LGALS2: variants seen among roughly 807,000 people sequenced by gnomAD.
The protein encoded by LGALS2 is galectin 2, also known as galectin-2.
A neutral mutation model predicts 10.1 loss-of-function variants in LGALS2; 7 were observed. The observed-to-expected ratio is 0.70, with a 90% CI of 0.40 to 1.31. The LOEUF is 1.31. Among genes scored for constraint, LGALS2 ranks in the 50% most tolerant of loss-of-function variants. LGALS2 has a pLI of 0.01. For synonymous variants in LGALS2, 86 were observed against 64.2 expected, an observed-to-expected ratio of 1.34 and a Z score of -1.63; for missense variants, 167 against 163.6, an observed-to-expected ratio of 1.02 and a Z score of -0.11.
intron 2 of LGALS2, among the ~76,000 whole-genome samples, chr22:37,571,547 T>C (rs542369926): frequency 6.6e-6 from 1 of 152,274 alleles, no homozygotes; most frequent in African/African-American, 2.4e-5. Context: ...GGGCGTTCCC[T>C]AGAGGCACCT....
intron 3 of LGALS2, 23 bp downstream of exon 3, chr22:37,570,553 G>A (rs371641943): frequency 6.2e-6 from 10 of 1,613,900 alleles, no homozygotes; most frequent in Middle Eastern, 1.6e-4. Flanking sequence ...TCACCCCAGT[G>A]CCCTTTCCCC....
Position 37,570,647 on chromosome 22 carries a change from A to G in LGALS2, c.178T>C (p.Leu60=), listed in dbSNP as rs201214648. The change falls in exon 3 of 4, where the codon TTG becomes CTG. Residue 60 remains leucine (L), a synonymous_variant. Transcript: ENST00000215886. ...FSESTIVCNS[L]DGSNWGQEQR... is the part of the protein sequence containing the mutation. ...TCTTGCCCCCAGTTGCTGCCGTCCA[A>G]TGAGTTGCAGACAATGGTGGATTCG... 341 of 1,614,242 alleles carry G rather than the reference A, an allele frequency of 2.1e-4. 1 individual carries two copies. Among genetic ancestry groups the G allele is most frequent in the African/African-American group, 1.1e-3 (81 of 75,062 alleles).
chr22:37,576,317 T>C (rs931116783), intron 1 of LGALS2, among the ~76,000 whole-genome samples: 1 of 151,506 alleles, frequency 6.6e-6, no homozygotes, highest in Admixed American at 6.6e-5. Context: ...CCGGGCGTGG[T>C]GGCAGGCGCC....
Position 37,571,870 on chromosome 22 carries a change from C to A in LGALS2, c.68G>T (p.Ser23Ile). The change falls in exon 2 of 4, where the codon AGC becomes ATC. Residue 23 changes from serine to isoleucine, a missense_variant. Physicochemically the swap from Ser to Ile is moderately radical, Grantham distance 142 (BLOSUM62 -2). Transcript: ENST00000215886. Reference protein sequence around the residue: ...KPGSTLKITGSIADGTDGFVI... With the variant: ...KPGSTLKITGIIADGTDGFVI... ...TCACCCATCAGTGCCATCGGCGATG[C>A]TGCCTGTGATCTTCAGGGTTGACCC... is the stretch of plus-strand genomic sequence containing the variant. 6.2e-7 allele frequency: 1 copy of A among 1,614,124 alleles called. No individual in the cohort carries two copies.
At chr22:37,571,967 A>C (rs746425669) in intron 1 of LGALS2, 36 bp from the exon 2 acceptor site, 5 of 1,554,164 alleles carry the variant, frequency 3.2e-6, no homozygotes, top group Middle Eastern at 3.4e-4. Flanking sequence ...TCGAGTCCCC[A>C]CAGAAAATCA....
chr22:37,574,193 G>A (rs1348246090), intron 1 of LGALS2, among the ~76,000 whole-genome samples: 1 of 152,108 alleles, frequency 6.6e-6, no homozygotes, highest in African/African-American at 2.4e-5. Context: ...ATGGTTACTA[G>A]GGAAGATTTC....
intron 1 of LGALS2, among the ~76,000 whole-genome samples, chr22:37,578,259 G>A (rs936132677): frequency 6.6e-6 from 1 of 152,080 alleles, no homozygotes; most frequent in Non-Finnish European, 1.5e-5. Flanking sequence ...TGTGGCCTTG[G>A]GCAATTTGCT....
chr22:37,571,098 G>C (rs1439893353), intron 2 of LGALS2, among the ~76,000 whole-genome samples: 1 of 152,144 alleles, frequency 6.6e-6, no homozygotes, highest in Non-Finnish European at 1.5e-5. Context: ...TGCAACCGGG[G>C]TTGTATGACT....
chr22:37,573,927 A>G (rs1369028215), intron 1 of LGALS2, among the ~76,000 whole-genome samples: 1 of 152,028 alleles, frequency 6.6e-6, no homozygotes, highest in Non-Finnish European at 1.5e-5. Flanking sequence ...AGGTTTCACC[A>G]TGTTGGTGTG....
chr22:37,573,228 G>A (rs1168246284), intron 1 of LGALS2, among the ~76,000 whole-genome samples: 2 of 151,724 alleles, frequency 1.3e-5, no homozygotes, highest in African/African-American at 2.4e-5. Flanking sequence ...ACAAGATCAC[G>A]CCACTGCACT....
chr22:37,570,382 T>G lies in LGALS2; in HGVS notation c.280A>C (p.Lys94Gln), dbSNP rs146398536. Reference protein sequence around the residue: ...FTVTFESDKFKVKLPDGHELT... With the variant: ...FTVTFESDKFQVKLPDGHELT... ...TCGTGCCCATCTGGCAGCTTCACCT[T>G]GAATTTGTCACTCTCAAAGGTCACT... The change falls in exon 4 of 4, where the codon AAG becomes CAG. Residue 94 changes from lysine (K) to glutamine (Q), a missense_variant. Transcript: ENST00000215886. 1.2e-5 allele frequency: 20 copies of G among 1,613,760 alleles called. No individual in the cohort carries two copies. Among genetic ancestry groups the G allele is most frequent in the Non-Finnish European group, 1.7e-5 (20 of 1,179,970 alleles).
chr22:37,578,165 G>A (rs987500794), intron 1 of LGALS2, among the ~76,000 whole-genome samples: 1 of 152,252 alleles, frequency 6.6e-6, no homozygotes, highest in Non-Finnish European at 1.5e-5. Flanking sequence ...AGGCCACACA[G>A]TAAAGCTGTG....
At chr22:37,576,691 G>A (rs568938600) in intron 1 of LGALS2, among the ~76,000 whole-genome samples, 1 of 152,264 alleles carries the variant, frequency 6.6e-6, no homozygotes, top group South Asian at 2.1e-4. Context: ...CCCGAGCCCT[G>A]CAACAGTCAG....
At chr22:37,578,610 G>C (rs9607477) in intron 1 of LGALS2, 22,563 of 152,090 alleles carry the variant, frequency 0.15, 2,128 homozygotes, top group South Asian at 0.27. Context: ...GAACCCAGGA[G>C]TTTGATATCA....
intron 1 of LGALS2, among the ~76,000 whole-genome samples, chr22:37,579,114 G>T (rs1324507699): frequency 2.0e-5 from 3 of 150,158 alleles, no homozygotes; most frequent in Non-Finnish European, 4.4e-5. Flanking sequence ...CAGGTGTGGT[G>T]ACACATACCT....
Position 37,580,037 on chromosome 22 carries a change from C to A in LGALS2, c.-132G>T, listed in dbSNP as rs185767972. ...AAGGTCCTAGGTGAGGACTTTGCCC[C>A]TTCTACCTTGTGTCTCCCCGCCTGC... On this transcript the variant is annotated 5_prime_UTR_variant, in exon 1 of 4. It adds an upstream start codon to the 5' untranslated region. Transcript: ENST00000215886. 449 of 851,860 alleles carry A rather than the reference C, an allele frequency of 5.3e-4. 2 individuals carry two copies. The African/African-American group carries it at 7.2e-3, about 14-fold the overall frequency. 52.8% of individuals were successfully genotyped at this position (851,860 alleles called of 1,614,324 possible).
At chr22:37,575,527 C>G (rs1925647686) in intron 1 of LGALS2, among the ~76,000 whole-genome samples, 1 of 152,018 alleles carries the variant, frequency 6.6e-6, no homozygotes, top group South Asian at 2.1e-4. Flanking sequence ...GTGATATGAT[C>G]AGAGCTCACT....
intron 1 of LGALS2, among the ~76,000 whole-genome samples, chr22:37,573,919 G>T (rs1394736651): frequency 6.6e-6 from 1 of 151,910 alleles, no homozygotes; most frequent in Non-Finnish European, 1.5e-5. Context: ...TAGAGACAAG[G>T]TTTCACCATG....
intron 1 of LGALS2, 130 bp downstream of exon 1, chr22:37,579,770 C>T: frequency 1.0e-6 from 1 of 982,168 alleles, no homozygotes; most frequent in Non-Finnish European, 1.5e-6. Context: ...CTCTGTCCAA[C>T]TTCTTTGCTG....
Sources: gnomAD v4.1 joint callset for allele counts (sites outside exome capture counted in the v4.1 genomes callset) on GRCh38, gnomAD v4.1.1 for gene constraint, MANE v1.5 for transcripts, NCBI Gene and HGNC (gene_info 2026-07-23, HGNC 2026-07-21) for gene names.